Variants in CPNE4 observed in about 807,000 individuals in gnomAD.
CPNE4 encodes copine 4, also known as copine-4.
CPNE4 carries 25 observed loss-of-function variants against 67.9 expected under a neutral mutation model. That is an observed-to-expected ratio of 0.37 (90% CI 0.27 to 0.51). The LOEUF is 0.51. Ranked by LOEUF, CPNE4 falls within the 20% of genes least tolerant of loss-of-function variation. The pLI is 0.93. For missense variants in CPNE4, 464 were observed against 690.8 expected (o/e 0.67, Z 3.68); for synonymous variants, 242 against 244.9 (o/e 0.99, Z 0.11).
chr3:131,611,738 A>C (rs1226214200), intron 7 of CPNE4, among the ~76,000 whole-genome samples: 1 of 151,530 alleles, frequency 6.6e-6, no homozygotes, highest in African/African-American at 2.4e-5. Context: ...CTTTCTTCTG[A>C]CATTTGTATT....
At chr3:131,705,877 A>T (rs2081403688) in intron 3 of CPNE4, among the ~76,000 whole-genome samples, 1 of 152,096 alleles carries the variant, frequency 6.6e-6, no homozygotes, top group Non-Finnish European at 1.5e-5. Flanking sequence ...CCTTTGCCTC[A>T]TCTCTTGGGT....
chr3:131,870,849 G>T (rs2087170010), intron 2 of CPNE4, among the ~76,000 whole-genome samples: 1 of 152,188 alleles, frequency 6.6e-6, no homozygotes, highest in African/African-American at 2.4e-5. Context: ...ACTGTCTGGT[G>T]GGGGAGTGGA....
chr3:131,671,125 CA>C (rs1284020256), intron 6 of CPNE4, among the ~76,000 whole-genome samples: 2 of 152,254 alleles, frequency 1.3e-5, no homozygotes, highest in East Asian at 3.9e-4. Flanking sequence ...ATCCAAATAA[CA>C]TAATTCTTTT....
At chr3:131,849,554 C>G (rs189067694) in intron 2 of CPNE4, among the ~76,000 whole-genome samples, 3 of 152,210 alleles carry the variant, frequency 2.0e-5, no homozygotes. Context: ...CAATTACCTC[C>G]CACCAAGCCC....
At chr3:131,659,926 A>G (rs2080081135) in intron 7 of CPNE4, among the ~76,000 whole-genome samples, 1 of 152,170 alleles carries the variant, frequency 6.6e-6, no homozygotes, top group South Asian at 2.1e-4. Context: ...AGCAGGTTCA[A>G]AGTCATGTTA....
chr3:131,792,695 ACATATACACACACGTGTATATATG>A (rs2083788673), intron 2 of CPNE4, among the ~76,000 whole-genome samples: 2 of 55,432 alleles, frequency 3.6e-5, no homozygotes, highest in Non-Finnish European at 6.8e-5. Flanking sequence ...GTGTATATAT[ACATATACACACACGTGTATATATG>A]TATATATATA....
chr3:132,033,390 AGTGTGTGTGTGTGTCTGTGTGTGTGT>A (rs1003660697), intron 1 of CPNE4, among the ~76,000 whole-genome samples: 5 of 111,764 alleles, frequency 4.5e-5, no homozygotes, highest in East Asian at 2.4e-4. Flanking sequence ...AGAGTGTGTG[AGTGTGTGTGTGTGTCTGTGTGTGTGT>A]GTGTGTGTGT....
At chr3:131,611,233 C>T (rs750223195) in intron 7 of CPNE4, among the ~76,000 whole-genome samples, 3 of 152,138 alleles carry the variant, frequency 2.0e-5, no homozygotes, top group Non-Finnish European at 4.4e-5. Flanking sequence ...GAAGAAAGTC[C>T]ATGTTCATCA....
At chr3:131,875,083 C>G (rs891187159) in intron 2 of CPNE4, among the ~76,000 whole-genome samples, 2 of 152,180 alleles carry the variant, frequency 1.3e-5, no homozygotes, top group African/African-American at 4.8e-5. Flanking sequence ...AGATACTGAG[C>G]AACTTCCCTA....
chr3:131,724,742 G>C (rs1423504244), intron 2 of CPNE4, among the ~76,000 whole-genome samples: 1 of 152,084 alleles, frequency 6.6e-6, no homozygotes, highest in Non-Finnish European at 1.5e-5. Context: ...TGCTATCTCT[G>C]ATGTCTCGGA....
rs1182792813 is a variant in CPNE4 at position 131,830,120 on chromosome 3, T to C, written c.180+75144A>G. The stretch of plus-strand genomic sequence containing the variant: ...GGATGCCCAACAGCCAAATACCTAG[T>C]GTGAATTTATCCCTGTGCTACAGTG... On this transcript the variant is annotated intron_variant, in intron 2 of 15. Coordinates refer to ENST00000429747, the MANE Select transcript of CPNE4 (RefSeq NM_130808.3). 2.6e-5 allele frequency among the ~76,000 whole-genome samples: 4 copies of C among 152,184 alleles called. No homozygotes were observed. In the East Asian group the frequency reaches 7.7e-4, roughly 29 times the overall value.
At chr3:131,808,390 C>G (rs888014752) in intron 2 of CPNE4, among the ~76,000 whole-genome samples, 1 of 151,842 alleles carries the variant, frequency 6.6e-6, no homozygotes, top group Admixed American at 6.6e-5. Context: ...TTTATAGGAA[C>G]TATAAGAAAA....
At chr3:131,705,744 C>T (rs1461201781) in intron 3 of CPNE4, among the ~76,000 whole-genome samples, 1 of 152,176 alleles carries the variant, frequency 6.6e-6, no homozygotes, top group Admixed American at 6.5e-5. Context: ...CATTTCACAG[C>T]GTTCTAATTA....
At chr3:131,987,949 T>C (rs2073094610) in intron 1 of CPNE4, among the ~76,000 whole-genome samples, 1 of 152,202 alleles carries the variant, frequency 6.6e-6, no homozygotes, top group Non-Finnish European at 1.5e-5. Flanking sequence ...ATTAGGTCCA[T>C]GAATAAGCAT....
chr3:131,802,914 C>T (rs2084182570), intron 2 of CPNE4, among the ~76,000 whole-genome samples: 1 of 152,182 alleles, frequency 6.6e-6, no homozygotes, highest in African/African-American at 2.4e-5. Flanking sequence ...CAGAGACAAT[C>T]TTCCCTAAAT....
chr3:131,765,215 T>C (rs565679470), intron 2 of CPNE4, among the ~76,000 whole-genome samples: 14 of 152,134 alleles, frequency 9.2e-5, no homozygotes, highest in Non-Finnish European at 2.1e-4. Flanking sequence ...AACTCTCTTC[T>C]TCCTGGGAAC....
chr3:131,743,478 A>C (rs1164604507), intron 2 of CPNE4, among the ~76,000 whole-genome samples: 1 of 152,212 alleles, frequency 6.6e-6, no homozygotes, highest in Non-Finnish European at 1.5e-5. Flanking sequence ...AGAAAAGTAC[A>C]CACCAGCCTC....
chr3:131,754,366 G>C (rs1309068452), intron 2 of CPNE4, among the ~76,000 whole-genome samples: 1 of 151,728 alleles, frequency 6.6e-6, no homozygotes, highest in African/African-American at 2.4e-5. Flanking sequence ...ACCAAACAAA[G>C]AAGTATAAGA....
chr3:131,615,518 A>G (rs959685273), intron 7 of CPNE4, among the ~76,000 whole-genome samples: 7 of 152,222 alleles, frequency 4.6e-5, no homozygotes, highest in African/African-American at 1.7e-4. Flanking sequence ...TCACTAATTG[A>G]AGAACCCTTA....
Sources: allele counts gnomAD v4.1 joint callset (sites outside exome capture counted in the v4.1 genomes callset), GRCh38; gene constraint gnomAD v4.1.1; transcripts MANE v1.5; gene names NCBI Gene and HGNC (gene_info 2026-07-23, HGNC 2026-07-21).